LRMDA: variants seen among roughly 807,000 people sequenced by gnomAD.
LRMDA encodes leucine-rich melanocyte differentiation-associated protein.
Under a neutral mutation model 29.8 loss-of-function variants are expected in LRMDA, and 18 were observed. The observed-to-expected ratio is 0.60, with a 90% CI of 0.42 to 0.90. LRMDA has a LOEUF of 0.90. Among genes scored for constraint, LRMDA ranks in the 40% least tolerant of loss-of-function variants. LRMDA has a pLI of 0.00. For missense variants in LRMDA, 273 were observed against 273.9 expected, an observed-to-expected ratio of 1.00 and a Z score of 0.02; for synonymous variants, 125 against 109.4, an observed-to-expected ratio of 1.14 and a Z score of -0.89.
At chr10:76,483,970 C>T (rs1344554553) in intron 6 of LRMDA, among the ~76,000 whole-genome samples, 1 of 151,824 alleles carries the variant, frequency 6.6e-6, no homozygotes, top group Admixed American at 6.6e-5. Flanking sequence ...ATTACTATAG[C>T]TTTATAACTA....
chr10:75,457,776 C>T (rs1342498852), intron 2 of LRMDA, among the ~76,000 whole-genome samples: 3 of 152,332 alleles, frequency 2.0e-5, no homozygotes, highest in African/African-American at 7.2e-5. Context: ...ATATTGTCCT[C>T]TTTTCTCACT....
At chr10:76,358,647 A>G (rs1020216180) in intron 6 of LRMDA, among the ~76,000 whole-genome samples, 2 of 152,182 alleles carry the variant, frequency 1.3e-5, no homozygotes, top group East Asian at 3.9e-4. Flanking sequence ...GAGGAGCTGA[A>G]CAAGAGTCCC....
At chr10:76,372,579 A>C (rs1841466813) in intron 6 of LRMDA, among the ~76,000 whole-genome samples, 1 of 152,082 alleles carries the variant, frequency 6.6e-6, no homozygotes, top group South Asian at 2.1e-4. Flanking sequence ...ACATCATTGC[A>C]CTCCAGCCTG....
intron 2 of LRMDA, among the ~76,000 whole-genome samples, chr10:75,937,019 G>A (rs141574577): frequency 1.3e-5 from 2 of 152,174 alleles, no homozygotes; most frequent in East Asian, 3.9e-4. Context: ...TCATCCTTCT[G>A]TTTACTGGGT....
At chr10:76,349,340 CTATT>C (rs1841147190) in intron 6 of LRMDA, among the ~76,000 whole-genome samples, 1 of 152,082 alleles carries the variant, frequency 6.6e-6, no homozygotes, top group African/African-American at 2.4e-5. Flanking sequence ...TCCAATAAGA[CTATT>C]TAGAAAAACA....
At chr10:75,913,593 G>C (rs780651624) in intron 2 of LRMDA, among the ~76,000 whole-genome samples, 2 of 152,194 alleles carry the variant, frequency 1.3e-5, no homozygotes, top group Middle Eastern at 3.2e-3. Context: ...CTGCCTTTTG[G>C]GAGCCGGATG....
chr10:76,070,204 T>C (rs1285569927), intron 5 of LRMDA, among the ~76,000 whole-genome samples: 3 of 152,218 alleles, frequency 2.0e-5, no homozygotes, highest in Non-Finnish European at 4.4e-5. Flanking sequence ...TTTGTGGCAC[T>C]GCTGTGTCAT....
chr10:76,042,727 T>TAAAAC (rs1164332871), intron 3 of LRMDA, among the ~76,000 whole-genome samples: 1 of 152,196 alleles, frequency 6.6e-6, no homozygotes, highest in African/African-American at 2.4e-5. Flanking sequence ...TTTGGTGAAA[T>TAAAAC]TTTGTAATTT....
chr10:75,914,534 T>C (rs1249960637), intron 2 of LRMDA, among the ~76,000 whole-genome samples: 2 of 152,230 alleles, frequency 1.3e-5, no homozygotes, highest in African/African-American at 4.8e-5. Flanking sequence ...AGAAGCATAA[T>C]TCAATAAGTG....
At chr10:75,544,849 T>C (rs969879195) in intron 2 of LRMDA, among the ~76,000 whole-genome samples, 1 of 152,244 alleles carries the variant, frequency 6.6e-6, no homozygotes, top group Admixed American at 6.5e-5. Flanking sequence ...TTGATCGTAG[T>C]GTTATTCTCA....
In LRMDA at chr10:76,308,630, A is replaced by G. The variant is rs1006737800; in HGVS notation, c.517-15771A>G. 5.3e-5 allele frequency among the ~76,000 whole-genome samples: 8 copies of G among 151,934 alleles called. No homozygotes were observed. In the South Asian group the frequency reaches 1.7e-3, roughly 32 times the overall value. On this transcript the variant is annotated intron_variant, in intron 5 of 6. Transcript: ENST00000611255. ...CCATGGGGCTGCTGCTTTCTCACCA[A>G]TCTCTCTCCTGCTCTCACCTCTCTC...
intron 2 of LRMDA, among the ~76,000 whole-genome samples, chr10:75,792,965 A>G (rs1318626968): frequency 6.6e-6 from 1 of 152,120 alleles, no homozygotes; most frequent in East Asian, 1.9e-4. Context: ...GTATTTTGAT[A>G]GTTTGGGTCT....
At chr10:75,764,763 G>A (rs748702451) in intron 2 of LRMDA, among the ~76,000 whole-genome samples, 2 of 152,114 alleles carry the variant, frequency 1.3e-5, no homozygotes, top group Admixed American at 6.5e-5. Context: ...GAGTCATCTC[G>A]GACCACATAC....
chr10:76,327,991 A>G (rs1458417586), intron 6 of LRMDA, among the ~76,000 whole-genome samples: 1 of 152,254 alleles, frequency 6.6e-6, no homozygotes, highest in Non-Finnish European at 1.5e-5. Flanking sequence ...TTATTTTACT[A>G]GAACAGAAAC....
intron 5 of LRMDA, among the ~76,000 whole-genome samples, chr10:76,156,728 G>A (rs1850544286): frequency 6.6e-6 from 1 of 152,176 alleles, no homozygotes. Context: ...GGGACTTAAG[G>A]CTCATGATAG....
intron 2 of LRMDA, among the ~76,000 whole-genome samples, chr10:75,609,212 A>G (rs1840997156): frequency 6.6e-6 from 1 of 152,094 alleles, no homozygotes; most frequent in African/African-American, 2.4e-5. Context: ...CTCCAAAGAA[A>G]AACTCCCTGA....
At chr10:75,880,557 GGCAAGCTAATTCATTGAAACTC>G (rs1317472316) in intron 2 of LRMDA, among the ~76,000 whole-genome samples, 12 of 152,186 alleles carry the variant, frequency 7.9e-5, no homozygotes, top group Non-Finnish European at 1.6e-4. Flanking sequence ...AGGAAGTTCT[GGCAAGCTAATTCATTGAAACTC>G]CCTTGATATC....
rs117102064 is a variant in LRMDA at position 76,479,238 on chromosome 10, A to G, written c.602-77971A>G. 1.9e-3 allele frequency among the ~76,000 whole-genome samples: 294 copies of G among 151,962 alleles called. 1 individual carries two copies. Among genetic ancestry groups the G allele is most frequent in the Non-Finnish European group, 2.9e-3 (198 of 67,902 alleles). The stretch of plus-strand genomic sequence containing the variant: ...CTTATTTGTGGACCTTAGCTTTCTT[A>G]TCTTATGATAATGTTTGCACCAGCA... On this transcript the variant is annotated intron_variant, in intron 6 of 6. Transcript: ENST00000611255.
chr10:75,877,031 G>A (rs540958225), intron 2 of LRMDA, among the ~76,000 whole-genome samples: 2 of 152,240 alleles, frequency 1.3e-5, no homozygotes, highest in East Asian at 1.9e-4. Context: ...CTCATAGGAG[G>A]GGCAGGGATT....
Sources: allele counts gnomAD v4.1 joint callset (sites outside exome capture counted in the v4.1 genomes callset), GRCh38; gene constraint gnomAD v4.1.1; transcripts MANE v1.5; gene names NCBI Gene and HGNC (gene_info 2026-07-23, HGNC 2026-07-21).